CSMD1: variants seen among roughly 807,000 people sequenced by gnomAD.
CSMD1 encodes CUB and Sushi multiple domains 1.
In CSMD1, 213 loss-of-function variants were observed where a neutral mutation model predicts 417.5. The ratio of observed to expected loss-of-function variants is 0.51; its 90% CI spans 0.46 to 0.57. The LOEUF is 0.57. Among genes scored for constraint, CSMD1 ranks in the 20% least tolerant of loss-of-function variants. The pLI, the probability that CSMD1 is intolerant of heterozygous loss-of-function variation, is 0.00. For missense variants in CSMD1, 6,923 were observed against 4,529.7 expected, an observed-to-expected ratio of 1.53 and a Z score of -15.17; for synonymous variants, 2,862 against 1,736.8, an observed-to-expected ratio of 1.65 and a Z score of -16.11.
chr8:4,714,692 G>C (rs924444317), intron 1 of CSMD1, among the ~76,000 whole-genome samples: 1 of 152,070 alleles, frequency 6.6e-6, no homozygotes, highest in South Asian at 2.1e-4. Flanking sequence ...AAGCTAGGCA[G>C]TTCAAATTTA....
At position 3,486,888 on chromosome 8, in the gene CSMD1, C is replaced by G. The variant is rs1414695766; in HGVS notation, c.1448+6735G>C. The stretch of plus-strand genomic sequence containing the variant: ...CTTGGAAGAGGAAACCCAAACCACA[C>G]AGGGTGTCCAGAGAGATCTGGCAAT... On this transcript the variant is annotated intron_variant, in intron 11 of 69. Transcript: ENST00000635120. Among the ~76,000 whole-genome samples the G allele has an allele frequency of 3.3e-5, 5 of 152,294 alleles. No individual in the cohort carries two copies. In the East Asian group the frequency reaches 9.7e-4, roughly 30 times the overall value.
At chr8:4,326,695 T>G (rs751920363) in intron 3 of CSMD1, among the ~76,000 whole-genome samples, 1 of 152,102 alleles carries the variant, frequency 6.6e-6, no homozygotes, top group Non-Finnish European at 1.5e-5. Context: ...CTCAAGAACA[T>G]GAAACATTCC....
At chr8:4,094,401 G>C (rs868549478) in intron 3 of CSMD1, among the ~76,000 whole-genome samples, 1 of 152,100 alleles carries the variant, frequency 6.6e-6, no homozygotes, top group Non-Finnish European at 1.5e-5. Flanking sequence ...TGAGAACTAT[G>C]TTGGCAAGGC....
intron 1 of CSMD1, among the ~76,000 whole-genome samples, chr8:4,764,877 A>AAAAAAAAACAAAAAAAAAAACAAAAC (rs1563326705): frequency 7.1e-5 from 3 of 41,988 alleles, no homozygotes; most frequent in African/African-American, 3.4e-4. Context: ...CATCTCAAAA[A>AAAAAAAAACAAAAAAAAAAACAAAAC]AAAAAAAAAA....
intron 2 of CSMD1, among the ~76,000 whole-genome samples, chr8:4,454,070 C>A (rs1244476701): frequency 6.6e-6 from 1 of 152,050 alleles, no homozygotes; most frequent in African/African-American, 2.4e-5. Context: ...GATCCGCCCG[C>A]CTCGGCCTCC....
chr8:4,480,751 T>C (rs1000457756), intron 2 of CSMD1, among the ~76,000 whole-genome samples: 1 of 152,212 alleles, frequency 6.6e-6, no homozygotes, highest in Non-Finnish European at 1.5e-5. Flanking sequence ...TTTCAAAATA[T>C]ACTGCATTAT....
chr8:3,374,598 C>G (rs1304093839), intron 18 of CSMD1, among the ~76,000 whole-genome samples: 1 of 152,186 alleles, frequency 6.6e-6, no homozygotes, highest in African/African-American at 2.4e-5. Context: ...GATGAATGCA[C>G]ATCCTGGCAA....
chr8:3,356,747 A>G (rs62504813), intron 21 of CSMD1, among the ~76,000 whole-genome samples: 1 of 152,214 alleles, frequency 6.6e-6, no homozygotes, highest in Non-Finnish European at 1.5e-5. Context: ...CCTTATAGAA[A>G]GAGCCCTGGT....
intron 49 of CSMD1, among the ~76,000 whole-genome samples, chr8:3,068,100 G>T (rs1206500062): frequency 6.6e-6 from 1 of 151,974 alleles, no homozygotes; most frequent in Non-Finnish European, 1.5e-5. Flanking sequence ...TGTCACTAAT[G>T]CCTCAATTAT....
intron 23 of CSMD1, among the ~76,000 whole-genome samples, chr8:3,331,237 CAAAAAAA>C (rs112278319): frequency 7.8e-6 from 1 of 128,516 alleles, no homozygotes; most frequent in Non-Finnish European, 1.6e-5. Context: ...GACTCCGTCT[CAAAAAAA>C]AAAAAAAAGA....
rs552948592 is a variant in CSMD1, at chr8:4,267,282, G to A, written c.415+152671C>T. The stretch of plus-strand genomic sequence containing the variant: ...TAGAAAATATATCATGTTTTAATAT[G>A]TATTAGCTATAACCATTTAGAAAAT... On this transcript the variant is annotated intron_variant, in intron 3 of 69. Transcript: ENST00000635120. 3.3e-3 allele frequency among the ~76,000 whole-genome samples: 339 copies of A among 103,440 alleles called. 118 individuals carry two copies. Among genetic ancestry groups the A allele is most frequent in the Non-Finnish European group, 6.4e-3 (245 of 38,454 alleles). The allele number at this position is 103,440 out of a possible 152,430, so 67.9% of individuals were successfully genotyped here.
chr8:3,639,204 C>G (rs77861416), intron 7 of CSMD1, among the ~76,000 whole-genome samples: 4 of 152,210 alleles, frequency 2.6e-5, no homozygotes, highest in Non-Finnish European at 5.9e-5. Context: ...AGTAAAGACA[C>G]AGGCCTTGAG....
chr8:4,051,388 T>A (rs1035090309), intron 3 of CSMD1, among the ~76,000 whole-genome samples: 1 of 151,816 alleles, frequency 6.6e-6, no homozygotes, highest in African/African-American at 2.4e-5. Flanking sequence ...GGAGGGCTGA[T>A]CCAACCCAGT....
At chr8:3,700,243 A>G (rs934201121) in intron 7 of CSMD1, among the ~76,000 whole-genome samples, 2 of 152,174 alleles carry the variant, frequency 1.3e-5, no homozygotes, top group Non-Finnish European at 2.9e-5. Flanking sequence ...CCTGTACCCC[A>G]ATAACTTATG....
intron 2 of CSMD1, among the ~76,000 whole-genome samples, chr8:4,575,846 A>T (rs576837643): frequency 1.3e-5 from 2 of 152,284 alleles, no homozygotes; most frequent in East Asian, 3.9e-4. Context: ...AGATCATCTC[A>T]GTCGCCTTCT....
At chr8:4,329,263 C>G (rs1422766094) in intron 3 of CSMD1, among the ~76,000 whole-genome samples, 1 of 152,048 alleles carries the variant, frequency 6.6e-6, no homozygotes, top group Non-Finnish European at 1.5e-5. Flanking sequence ...AAACAAAGAC[C>G]TATTACTAAA....
intron 10 of CSMD1, among the ~76,000 whole-genome samples, chr8:3,557,324 C>T (rs1265049025): frequency 1.3e-5 from 2 of 152,208 alleles, no homozygotes; most frequent in Non-Finnish European, 2.9e-5. Flanking sequence ...TTATGGCAGA[C>T]CATCGCTGCC....
Position 4,730,487 on chromosome 8 carries a change from T to C in CSMD1, c.86-92929A>G, listed in dbSNP as rs1809772585. Among the ~76,000 whole-genome samples, 4 of 152,156 alleles carry C rather than the reference T, an allele frequency of 2.6e-5. No individual in the cohort carries two copies. The South Asian group carries it at 6.2e-4, about 24-fold the overall frequency. On this transcript the variant is annotated intron_variant, in intron 1 of 69. Transcript: ENST00000635120. Reference sequence around the variant, plus strand: ...CAGGAGCAGTGGCTCACACCTGTAATCCCAGCACTTTGGGAGGCTGAGGCA... The same window carrying C: ...CAGGAGCAGTGGCTCACACCTGTAACCCCAGCACTTTGGGAGGCTGAGGCA...
chr8:3,429,175 A>C (rs1814049280), intron 12 of CSMD1, among the ~76,000 whole-genome samples: 1 of 152,190 alleles, frequency 6.6e-6, no homozygotes, highest in Non-Finnish European at 1.5e-5. Flanking sequence ...AATAGCTAGA[A>C]GAGAGGATTT....
Sources: gnomAD v4.1 joint callset for allele counts (sites outside exome capture counted in the v4.1 genomes callset) on GRCh38, gnomAD v4.1.1 for gene constraint, MANE v1.5 for transcripts, NCBI Gene and HGNC (gene_info 2026-07-23, HGNC 2026-07-21) for gene names.